PCDH11X: variants seen among roughly 807,000 people sequenced by gnomAD.
PCDH11X encodes protocadherin 11 X-linked, also known as protocadherin-11 X-linked.
In PCDH11X, 18 loss-of-function variants were observed where a neutral mutation model predicts 53.3. The ratio of observed to expected loss-of-function variants is 0.34; its 90% CI spans 0.23 to 0.50. The LOEUF (loss-of-function observed/expected upper bound fraction) is 0.50, where lower values mean the gene tolerates loss of function less well. Ranked by LOEUF, PCDH11X falls within the 20% of genes least tolerant of loss-of-function variation. The pLI is 0.98. For synonymous variants in PCDH11X, 279 were observed against 393.3 expected, an observed-to-expected ratio of 0.71 and a Z score of 3.44; for missense variants, 570 against 1,032.4, an observed-to-expected ratio of 0.55 and a Z score of 6.14.
At chrX:92,503,735 A>G (rs2074002497) in intron 10 of PCDH11X, among the ~76,000 whole-genome samples, 1 of 110,628 alleles carries the variant, frequency 9.0e-6, no homozygotes, top group African/African-American at 3.3e-5. Flanking sequence ...GGGTTGGGGA[A>G]GAGCATCAGG....
intron 6 of PCDH11X, among the ~76,000 whole-genome samples, chrX:92,184,185 C>T: frequency 9.0e-6 from 1 of 111,275 alleles, no homozygotes; most frequent in Non-Finnish European, 1.9e-5. Context: ...TCACTAGTGA[C>T]CAAATGTCAT....
intron 6 of PCDH11X, among the ~76,000 whole-genome samples, chrX:91,960,570 A>AC (rs1267935608): frequency 9.1e-6 from 1 of 109,810 alleles, no homozygotes; most frequent in African/African-American, 3.3e-5. Flanking sequence ...GATTACAGGC[A>AC]CCCCCCATCA....
intron 8 of PCDH11X, among the ~76,000 whole-genome samples, chrX:92,272,180 ATG>A (rs1431088395): frequency 8.9e-6 from 1 of 111,915 alleles, no homozygotes; most frequent in Admixed American, 9.5e-5. Flanking sequence ...TCTTCTGAAC[ATG>A]TGTTTCTCCA....
At chrX:91,849,751 T>C (rs1301347940) in intron 5 of PCDH11X, among the ~76,000 whole-genome samples, 1 of 105,532 alleles carries the variant, frequency 9.5e-6, no homozygotes, top group Non-Finnish European at 2.0e-5. Flanking sequence ...ACCTGAGCAT[T>C]GCTTTAATAT....
chrX:92,312,181 T>C (rs1262469481), intron 8 of PCDH11X, among the ~76,000 whole-genome samples: 2 of 111,424 alleles, frequency 1.8e-5, no homozygotes, highest in African/African-American at 6.5e-5. Context: ...AACTGTTCCA[T>C]GATAAATTAA....
intron 1 of PCDH11X, among the ~76,000 whole-genome samples, chrX:91,795,290 ACTTGCC>A (rs1481715444): frequency 8.9e-6 from 1 of 111,770 alleles, no homozygotes. Context: ...CTTTGAAGTG[ACTTGCC>A]CAAGGTCACA....
intron 6 of PCDH11X, among the ~76,000 whole-genome samples, chrX:91,975,499 A>G (rs2062034116): frequency 9.0e-6 from 1 of 111,118 alleles, no homozygotes; most frequent in Admixed American, 9.6e-5. Context: ...TTGGTAGTTG[A>G]CAGCATATGG....
At chrX:92,473,013 C>T (rs1183296576) in intron 10 of PCDH11X, among the ~76,000 whole-genome samples, 10 of 105,097 alleles carry the variant, frequency 9.5e-5, no homozygotes, top group Admixed American at 2.1e-4. Flanking sequence ...TCAGAAGCTT[C>T]GGGGCTGAAA....
chrX:91,974,181 T>C (rs1486148477), intron 6 of PCDH11X, among the ~76,000 whole-genome samples: 2 of 111,455 alleles, frequency 1.8e-5, no homozygotes, highest in African/African-American at 6.5e-5. Context: ...TTTTATTAAT[T>C]GTAGATAAAT....
At chrX:92,266,077 T>C (rs2067823784) in intron 8 of PCDH11X, among the ~76,000 whole-genome samples, 1 of 111,608 alleles carries the variant, frequency 9.0e-6, no homozygotes, top group Admixed American at 9.6e-5. Flanking sequence ...TGGTGTCCTT[T>C]ATTTTTGGTT....
At chrX:92,184,752 A>G (rs376201585) in intron 6 of PCDH11X, among the ~76,000 whole-genome samples, 4 of 111,269 alleles carry the variant, frequency 3.6e-5, no homozygotes, top group African/African-American at 9.8e-5. Context: ...TCTTCAATAA[A>G]TGGTGCTGGG....
intron 6 of PCDH11X, chrX:92,113,134 A>C (rs2064556061): frequency 2.4e-6 from 2 of 818,782 alleles, no homozygotes; most frequent in Admixed American, 8.2e-5. Flanking sequence ...ATTCAAAGAA[A>C]AAAAATGACA....
At position 92,028,661 on chromosome X, in the gene PCDH11X, C is replaced by G. The variant is rs375722996; in HGVS notation, c.3033+149388C>G. Among the ~76,000 whole-genome samples, 24 of 75,763 alleles carry G rather than the reference C, an allele frequency of 3.2e-4. No homozygotes were observed. In the East Asian group the frequency reaches 6.7e-3, roughly 21 times the overall value. The allele number at this position is 75,763 out of a possible 115,157, so 65.8% of individuals were successfully genotyped here. A position where few individuals can be genotyped will look rare whatever the true frequency, so the allele number is the denominator to read the frequency against. On this transcript the variant is annotated intron_variant, in intron 6 of 10. Transcript: ENST00000682573. The stretch of plus-strand genomic sequence containing the variant: ...TTCAGGTCTACCATTTCTTTTCCTA[C>G]TACTTTCTCCCTCACTCAAACTAGC...
In PCDH11X at chrX:92,372,785, TGATA is replaced by T. The variant is rs1013879442; in HGVS notation, c.3145-14946_3145-14943del. 5.5e-5 allele frequency among the ~76,000 whole-genome samples: 6 copies of T among 109,003 alleles called. No individual in the cohort carries two copies. In the Admixed American group the frequency reaches 5.9e-4, roughly 11 times the overall value. The allele number at this position is 109,003 out of a possible 115,157, so 94.7% of individuals were successfully genotyped here. A position where few individuals can be genotyped will look rare whatever the true frequency, so the allele number is the denominator to read the frequency against. The stretch of plus-strand genomic sequence containing the variant: ...ACCACTAATTTTAAGCATGTATCAT[TGATA>T]GATCATCAAAAACTATATTATTAAT... On this transcript the variant is annotated intron_variant, in intron 8 of 10. Coordinates refer to ENST00000682573, the MANE Select transcript of PCDH11X (RefSeq NM_032968.5).
At chrX:92,514,076 A>G (rs2074211841) in intron 10 of PCDH11X, among the ~76,000 whole-genome samples, 1 of 112,098 alleles carries the variant, frequency 8.9e-6, no homozygotes, top group South Asian at 3.7e-4. Context: ...CTAATATCCC[A>G]TTGTATGGAC....
intron 10 of PCDH11X, among the ~76,000 whole-genome samples, chrX:92,577,946 T>C (rs1243756059): frequency 9.2e-6 from 1 of 108,445 alleles, no homozygotes; most frequent in Non-Finnish European, 1.9e-5. Flanking sequence ...GAGGAGTATT[T>C]TACTTCCAAT....
chrX:91,984,688 T>C (rs1412122842), intron 6 of PCDH11X, among the ~76,000 whole-genome samples: 4 of 111,432 alleles, frequency 3.6e-5, no homozygotes, highest in Non-Finnish European at 5.6e-5. Context: ...ATTCAGACCA[T>C]AACCTGTTAA....
At chrX:92,462,218 C>T (rs1205338530) in intron 9 of PCDH11X, among the ~76,000 whole-genome samples, 7 of 111,666 alleles carry the variant, frequency 6.3e-5, no homozygotes, top group South Asian at 7.4e-4. Context: ...GTCAAAGCTT[C>T]GAAATTGGGT....
chrX:91,855,529 G>A (rs1484992115), intron 5 of PCDH11X, among the ~76,000 whole-genome samples: 1 of 108,184 alleles, frequency 9.2e-6, no homozygotes, highest in Non-Finnish European at 1.9e-5. Context: ...TTCTATTTCT[G>A]TGAAGAATAT....
Sources: allele counts gnomAD v4.1 joint callset (sites outside exome capture counted in the v4.1 genomes callset), GRCh38; gene constraint gnomAD v4.1.1; transcripts MANE v1.5; gene names NCBI Gene and HGNC (gene_info 2026-07-23, HGNC 2026-07-21).